MAST2: variants seen among roughly 807,000 people sequenced by gnomAD.
MAST2 encodes the protein microtubule-associated serine/threonine-protein kinase 2.
Under a neutral mutation model 147.4 loss-of-function variants are expected in MAST2, and 70 were observed. The observed-to-expected ratio is 0.47, with a 90% CI of 0.39 to 0.58. The LOEUF (loss-of-function observed/expected upper bound fraction) is 0.58, where lower values mean the gene tolerates loss of function less well. MAST2 is among the 20% of genes least tolerant of loss of function. MAST2 has a pLI of 0.00. For missense variants in MAST2, 2,080 were observed against 2,302.3 expected, an observed-to-expected ratio of 0.90 and a Z score of 1.98; for synonymous variants, 869 against 896.8, an observed-to-expected ratio of 0.97 and a Z score of 0.55.
At chr1:45,859,258 C>G (rs966536817) in intron 3 of MAST2, among the ~76,000 whole-genome samples, 4 of 152,178 alleles carry the variant, frequency 2.6e-5, no homozygotes, top group African/African-American at 9.7e-5. Context: ...TGCCATCACA[C>G]CCAGCTAATT....
At chr1:45,939,441 G>A (rs1349347208) in intron 4 of MAST2, among the ~76,000 whole-genome samples, 2 of 150,810 alleles carry the variant, frequency 1.3e-5, no homozygotes. Flanking sequence ...AAATCAGGTG[G>A]TATAATTCCT....
intron 3 of MAST2, among the ~76,000 whole-genome samples, chr1:45,851,206 ACTTTTT>A (rs972860292): frequency 3.9e-5 from 6 of 151,932 alleles, no homozygotes; most frequent in South Asian, 2.1e-4. Context: ...ATTCTTAGGT[ACTTTTT>A]CTTTTTCTTT....
intron 4 of MAST2, among the ~76,000 whole-genome samples, chr1:45,898,680 G>C (rs1649187064): frequency 1.3e-5 from 2 of 152,256 alleles, no homozygotes; most frequent in Admixed American, 6.5e-5. Context: ...TCCTACCAGA[G>C]AATCTGCGCC....
At chr1:45,870,940 A>G (rs967206868) in intron 3 of MAST2, among the ~76,000 whole-genome samples, 3 of 152,038 alleles carry the variant, frequency 2.0e-5, no homozygotes, top group African/African-American at 7.3e-5. Context: ...AAAAATTAAA[A>G]TAACAACAAC....
intron 3 of MAST2, among the ~76,000 whole-genome samples, chr1:45,840,133 G>C (rs1645229180): frequency 1.3e-5 from 2 of 152,072 alleles, no homozygotes; most frequent in Non-Finnish European, 2.9e-5. Flanking sequence ...AAAAATTTTT[G>C]CTCTTCAGTA....
chr1:45,886,695 A>G (rs573481452), intron 4 of MAST2, among the ~76,000 whole-genome samples: 20 of 152,214 alleles, frequency 1.3e-4, no homozygotes, highest in Non-Finnish European at 2.5e-4. Context: ...CTGTTTACCC[A>G]GGCTAGAAGG....
At chr1:45,882,973 G>A (rs1445606119) in intron 4 of MAST2, among the ~76,000 whole-genome samples, 1 of 152,010 alleles carries the variant, frequency 6.6e-6, no homozygotes. Context: ...ATTCTGTTGG[G>A]GCAGTATTAG....
At chr1:45,970,431 A>C (rs891533553) in intron 5 of MAST2, among the ~76,000 whole-genome samples, 9 of 152,082 alleles carry the variant, frequency 5.9e-5, no homozygotes, top group African/African-American at 2.2e-4. Flanking sequence ...TTGGGAGGCC[A>C]AGGCAGGCGG....
At position 45,992,661 on chromosome 1, in the gene MAST2, CAG is replaced by C. The variant is rs1032319709; in HGVS notation, c.593-5062_593-5061del. Reference sequence around the variant, plus strand: ...GAATTAATCAGTGAAACATCTGAAACAGGTGCTTTTTTTGGAGATGATTAGCT... The same window carrying C: ...GAATTAATCAGTGAAACATCTGAAACGTGCTTTTTTTGGAGATGATTAGCT... On this transcript the variant is annotated intron_variant, in intron 5 of 28. Coordinates refer to ENST00000361297, the MANE Select transcript of MAST2 (RefSeq NM_015112.3). 9.9e-5 allele frequency among the ~76,000 whole-genome samples: 15 copies of C among 152,208 alleles called. 1 individual carries two copies. Among genetic ancestry groups the C allele is most frequent in the South Asian group, 6.2e-4 (3 of 4,820 alleles).
At chr1:45,983,898 A>G (rs569480283) in intron 5 of MAST2, among the ~76,000 whole-genome samples, 5 of 152,354 alleles carry the variant, frequency 3.3e-5, no homozygotes, top group Non-Finnish European at 7.4e-5. Flanking sequence ...ATATTTTATC[A>G]TTGAGTGCAA....
At chr1:45,832,228 G>A (rs1644980023) in intron 3 of MAST2, among the ~76,000 whole-genome samples, 2 of 151,912 alleles carry the variant, frequency 1.3e-5, no homozygotes, top group South Asian at 2.1e-4. Flanking sequence ...ATGGATGAGT[G>A]TACCCTCCTA....
intron 4 of MAST2, among the ~76,000 whole-genome samples, chr1:45,901,683 T>C (rs1649795411): frequency 6.6e-6 from 1 of 152,232 alleles, no homozygotes; most frequent in Non-Finnish European, 1.5e-5. Context: ...TAGCTCTCCT[T>C]GTAGAGGTCT....
intron 4 of MAST2, among the ~76,000 whole-genome samples, chr1:45,914,742 T>C (rs1652206344): frequency 6.6e-6 from 1 of 152,132 alleles, no homozygotes; most frequent in Non-Finnish European, 1.5e-5. Flanking sequence ...AGAAACAGGA[T>C]TTGTTTGAAG....
intron 4 of MAST2, among the ~76,000 whole-genome samples, chr1:45,932,234 GT>G (rs1655430395): frequency 6.6e-6 from 1 of 152,092 alleles, no homozygotes; most frequent in African/African-American, 2.4e-5. Flanking sequence ...ATCCATTGAT[GT>G]TCCTGGTTGC....
rs771483735 is a variant in MAST2 at position 45,836,435 on chromosome 1, A to G, written c.468+6854A>G. ...TTCTTAGAACCTAGAACCTTTTCTC[A>G]TCATTAAAAAGATTCTTATTTTAAT... is the stretch of plus-strand genomic sequence containing the variant. On this transcript the variant is annotated intron_variant, in intron 3 of 28. Transcript: ENST00000361297. Among the ~76,000 whole-genome samples the G allele has an allele frequency of 1.1e-4, 16 of 152,296 alleles. No homozygotes were observed. In the East Asian group the frequency reaches 1.5e-3, roughly 15 times the overall value.
intron 3 of MAST2, among the ~76,000 whole-genome samples, chr1:45,864,386 A>C (rs921300422): frequency 6.6e-6 from 1 of 152,188 alleles, no homozygotes; most frequent in Non-Finnish European, 1.5e-5. Context: ...GCAATGATCT[A>C]GCTCCTGAAG....
intron 3 of MAST2, among the ~76,000 whole-genome samples, chr1:45,865,449 C>T (rs978113512): frequency 3.3e-5 from 5 of 152,170 alleles, no homozygotes; most frequent in East Asian, 1.9e-4. Context: ...AGATTGTTTA[C>T]GGTGAACATA....
intron 1 of MAST2, among the ~76,000 whole-genome samples, chr1:45,807,344 C>T (rs1011068520): frequency 2.0e-5 from 3 of 152,104 alleles, no homozygotes; most frequent in Admixed American, 6.6e-5. Context: ...CTCTATTTAG[C>T]AGGCTCATTC....
intron 3 of MAST2, among the ~76,000 whole-genome samples, chr1:45,875,450 A>T (rs1646565273): frequency 6.6e-6 from 1 of 152,214 alleles, no homozygotes; most frequent in Non-Finnish European, 1.5e-5. Context: ...CATCTCAAAA[A>T]AATAAAAAGT....
Sources: gnomAD v4.1 joint callset for allele counts (sites outside exome capture counted in the v4.1 genomes callset) on GRCh38, gnomAD v4.1.1 for gene constraint, MANE v1.5 for transcripts, NCBI Gene and HGNC (gene_info 2026-07-23, HGNC 2026-07-21) for gene names.